The following CLVS1 variants were observed in gnomAD, a reference collection of about 807,000 sequenced individuals.
CLVS1 encodes the protein clavesin 1, also known as clavesin-1.
A neutral mutation model predicts 33.1 loss-of-function variants in CLVS1; 10 were observed. The observed-to-expected ratio is 0.30, with a 90% confidence interval of 0.19 to 0.51. The LOEUF (loss-of-function observed/expected upper bound fraction) is 0.51, where lower values mean the gene tolerates loss of function less well. Among genes scored for constraint, CLVS1 ranks in the 20% least tolerant of loss-of-function variants. The pLI is 0.97. For missense variants in CLVS1, 343 were observed against 433.4 expected, an observed-to-expected ratio of 0.79 and a Z score of 1.85; for synonymous variants, 163 against 166.1, an observed-to-expected ratio of 0.98 and a Z score of 0.14.
At chr8:61,414,191 C>T (rs1228812220) in intron 3 of CLVS1, among the ~76,000 whole-genome samples, 1 of 152,040 alleles carries the variant, frequency 6.6e-6, no homozygotes, top group Non-Finnish European at 1.5e-5. Context: ...CAAATAATTA[C>T]AAAGAAAACT....
chr8:61,059,022 G>C (rs1284454144), intron 1 of CLVS1, among the ~76,000 whole-genome samples: 1 of 152,134 alleles, frequency 6.6e-6, no homozygotes, highest in African/African-American at 2.4e-5. Context: ...CTGAGACTTT[G>C]TGTGGACATG....
chr8:60,996,808 C>T, the CLVS1 span, among the ~76,000 whole-genome samples: 5 of 152,120 alleles, frequency 3.3e-5, no homozygotes, highest in Admixed American at 6.5e-5. Flanking sequence ...AAGCCCTGCG[C>T]GATTGCCTGC....
chr8:61,006,663 C>T, the CLVS1 span, among the ~76,000 whole-genome samples: 3 of 152,130 alleles, frequency 2.0e-5, no homozygotes, highest in South Asian at 2.1e-4. Context: ...TGTATATCAC[C>T]GTTTGGACTC....
intron 2 of CLVS1, among the ~76,000 whole-genome samples, chr8:61,260,601 T>C (rs559011034): frequency 4.6e-5 from 7 of 152,144 alleles, no homozygotes; most frequent in Admixed American, 3.3e-4. Flanking sequence ...GGATCTGGAG[T>C]GGGCATCTGG....
At chr8:61,262,917 G>A (rs925150206) in intron 2 of CLVS1, among the ~76,000 whole-genome samples, 1 of 152,220 alleles carries the variant, frequency 6.6e-6, no homozygotes, top group Non-Finnish European at 1.5e-5. Context: ...GTAGACACTA[G>A]AACTGAGGGT....
At chr8:61,176,298 C>A (rs1359412170) in intron 2 of CLVS1, among the ~76,000 whole-genome samples, 1 of 152,094 alleles carries the variant, frequency 6.6e-6, no homozygotes, top group African/African-American at 2.4e-5. Flanking sequence ...TGAGAGACAT[C>A]CCAGTCATTC....
At chr8:60,990,703 G>C in the CLVS1 span, among the ~76,000 whole-genome samples, 3 of 149,948 alleles carry the variant, frequency 2.0e-5, no homozygotes, top group Non-Finnish European at 3.0e-5. Context: ...TAATTAACAG[G>C]GTTTTTTTTG....
At chr8:60,973,322 G>A in the CLVS1 span, among the ~76,000 whole-genome samples, 1 of 152,170 alleles carries the variant, frequency 6.6e-6, no homozygotes, top group Non-Finnish European at 1.5e-5. Context: ...CTTACCTTCT[G>A]CTTTTGGAAA....
intron 1 of CLVS1, among the ~76,000 whole-genome samples, chr8:61,080,540 T>C (rs937972071): frequency 2.0e-5 from 3 of 152,256 alleles, no homozygotes; most frequent in African/African-American, 7.2e-5. Flanking sequence ...GTCAAGGATA[T>C]ACTGTAATCT....
chr8:61,114,348 A>G (rs148030685), intron 1 of CLVS1, among the ~76,000 whole-genome samples: 1,561 of 152,320 alleles, frequency 0.01, 18 homozygotes, highest in Middle Eastern at 0.024. Context: ...AAAATTCAGT[A>G]AAGCATCATC....
intron 2 of CLVS1, among the ~76,000 whole-genome samples, chr8:61,193,772 A>G (rs1807545681): frequency 6.6e-6 from 1 of 151,966 alleles, no homozygotes; most frequent in African/African-American, 2.4e-5. Context: ...CAGAAGAAAA[A>G]CACACTCTAA....
chr8:61,465,657 T>G (rs1422559020), intron 5 of CLVS1: 1 of 152,140 alleles, frequency 6.6e-6, no homozygotes, highest in Middle Eastern at 3.1e-3. Flanking sequence ...TTCCTGTTTT[T>G]TCTTGTTGTT....
At chr8:61,496,481 A>G (rs1471347326) in intron 5 of CLVS1, among the ~76,000 whole-genome samples, 1 of 152,044 alleles carries the variant, frequency 6.6e-6, no homozygotes, top group African/African-American at 2.4e-5. Context: ...CCACATGCAC[A>G]CTGGGCCTTA....
intron 2 of CLVS1, among the ~76,000 whole-genome samples, chr8:61,274,688 G>A (rs1211843713): frequency 1.3e-5 from 2 of 152,116 alleles, no homozygotes; most frequent in South Asian, 2.1e-4. Flanking sequence ...CATGGCAAAG[G>A]AGCACACAAT....
At chr8:61,481,676 G>A (rs187735976) in intron 5 of CLVS1, among the ~76,000 whole-genome samples, 21 of 152,350 alleles carry the variant, frequency 1.4e-4, no homozygotes, top group African/African-American at 4.8e-4. Context: ...GCTGAGGCTT[G>A]AGTAGGTAAA....
chr8:61,288,299 C>T (rs1809848259), intron 1 of CLVS1, 161 bp downstream of exon 1: 1 of 455,812 alleles, frequency 2.2e-6, no homozygotes, highest in South Asian at 1.5e-5. Context: ...CACCCCGCTC[C>T]CCGCCGCCTC....
rs145968379 is a variant in CLVS1, at chr8:61,357,160, T to G, written c.456-19445T>G. 1.8e-3 allele frequency among the ~76,000 whole-genome samples: 272 copies of G among 152,298 alleles called. 2 individuals carry two copies. The highest frequency in any genetic ancestry group is 3.6e-3 in the Admixed American group (55 of 15,298). ...TTGTAAGTTGGATTCCTAGGTATTT[T>G]ATTCTCTTTGAAGCAATTGTGAATG... On this transcript the variant is annotated intron_variant, in intron 2 of 5. Coordinates refer to ENST00000325897, the MANE Select transcript of CLVS1 (RefSeq NM_173519.3).
chr8:61,418,350 T>C (rs1815524949), intron 3 of CLVS1, among the ~76,000 whole-genome samples: 2 of 152,078 alleles, frequency 1.3e-5, no homozygotes, highest in South Asian at 4.2e-4. Flanking sequence ...AAACCAACTA[T>C]TTGTTATTAC....
chr8:61,309,872 A>C (rs1238708859), intron 2 of CLVS1, among the ~76,000 whole-genome samples: 1 of 152,204 alleles, frequency 6.6e-6, no homozygotes, highest in Middle Eastern at 3.2e-3. Context: ...AACTATAAAT[A>C]AGCCCACTGA....
Sources: gnomAD v4.1 joint callset for allele counts (sites outside exome capture counted in the v4.1 genomes callset) on GRCh38, gnomAD v4.1.1 for gene constraint, MANE v1.5 for transcripts, NCBI Gene and HGNC (gene_info 2026-07-23, HGNC 2026-07-21) for gene names.